The following MAN1A2 variants were observed in gnomAD, a reference collection of about 807,000 sequenced individuals.
MAN1A2 encodes mannosidase alpha class 1A member 2, also known as mannosyl-oligosaccharide 1,2-alpha-mannosidase IB.
Under a neutral mutation model 75.7 loss-of-function variants are expected in MAN1A2, and 26 were observed. The observed-to-expected ratio is 0.34, with a 90% CI of 0.25 to 0.48. The LOEUF (loss-of-function observed/expected upper bound fraction) is 0.48, where lower values mean the gene tolerates loss of function less well. MAN1A2 is among the 20% of genes least tolerant of loss of function. MAN1A2 has a pLI of 0.99. For missense variants in MAN1A2, 562 were observed against 775.5 expected (o/e 0.72, Z 3.27); for synonymous variants, 247 against 264.6 (o/e 0.93, Z 0.65).
At chr1:117,421,539 G>A (rs1347168615) in intron 5 of MAN1A2, among the ~76,000 whole-genome samples, 1 of 151,238 alleles carries the variant, frequency 6.6e-6, no homozygotes, top group Admixed American at 6.6e-5. Context: ...TTTTCGTATG[G>A]ATTTTTATGA....
intron 12 of MAN1A2, among the ~76,000 whole-genome samples, chr1:117,512,615 T>C (rs1451464716): frequency 6.6e-6 from 1 of 152,052 alleles, no homozygotes; most frequent in Non-Finnish European, 1.5e-5. Flanking sequence ...GGTGGGCAAG[T>C]CTTTGCTTAA....
intron 6 of MAN1A2, among the ~76,000 whole-genome samples, chr1:117,457,131 A>T (rs1301538094): frequency 1.3e-5 from 2 of 152,126 alleles, no homozygotes; most frequent in Admixed American, 1.3e-4. Flanking sequence ...TAGAAGACTC[A>T]TTATCAAAAC....
At chr1:117,408,178 T>C (rs1570718835) in intron 3 of MAN1A2, among the ~76,000 whole-genome samples, 1 of 151,680 alleles carries the variant, frequency 6.6e-6, no homozygotes, top group African/African-American at 2.4e-5. Context: ...CCGCAGGAGG[T>C]TGAGATGGGA....
intron 8 of MAN1A2, among the ~76,000 whole-genome samples, chr1:117,491,774 A>C (rs1043318119): frequency 6.6e-6 from 1 of 152,114 alleles, no homozygotes; most frequent in African/African-American, 2.4e-5. Flanking sequence ...AGGAGGTCAA[A>C]GTATGAACAT....
chr1:117,464,634 A>T (rs1649928735), intron 7 of MAN1A2, among the ~76,000 whole-genome samples: 1 of 152,114 alleles, frequency 6.6e-6, no homozygotes, highest in Non-Finnish European at 1.5e-5. Flanking sequence ...AATGGTGAGT[A>T]CTTCTTTGGA....
At chr1:117,406,344 A>G (rs1011673363) in intron 3 of MAN1A2, among the ~76,000 whole-genome samples, 2 of 152,166 alleles carry the variant, frequency 1.3e-5, no homozygotes, top group Non-Finnish European at 2.9e-5. Flanking sequence ...TGACTTGATC[A>G]TTATCTTTTA....
At chr1:117,441,239 A>G (rs142843221) in intron 5 of MAN1A2, among the ~76,000 whole-genome samples, 4 of 152,234 alleles carry the variant, frequency 2.6e-5, no homozygotes, top group South Asian at 4.1e-4. Flanking sequence ...ATTTCTCTCT[A>G]ATATTTTCTA....
intron 8 of MAN1A2, among the ~76,000 whole-genome samples, chr1:117,472,413 G>C (rs1650189415): frequency 6.6e-6 from 1 of 151,950 alleles, no homozygotes; most frequent in Admixed American, 6.6e-5. Context: ...CAGGATGTTT[G>C]CATTCACTAA....
At chr1:117,408,231 A>G (rs1266374474) in intron 3 of MAN1A2, among the ~76,000 whole-genome samples, 1 of 151,314 alleles carries the variant, frequency 6.6e-6, no homozygotes, top group South Asian at 2.1e-4. Flanking sequence ...GGGCACCATG[A>G]TCATGATGCC....
At chr1:117,494,725 T>A (rs1224802640) in intron 9 of MAN1A2, 2 of 152,048 alleles carry the variant, frequency 1.3e-5, no homozygotes, top group African/African-American at 4.8e-5. Flanking sequence ...TTATTAAAAT[T>A]TAAACGTAGA....
At chr1:117,389,073 A>G (rs998823510) in intron 1 of MAN1A2, among the ~76,000 whole-genome samples, 1 of 152,202 alleles carries the variant, frequency 6.6e-6, no homozygotes, top group African/African-American at 2.4e-5. Flanking sequence ...TTTATCCTTT[A>G]TACTTCAAAA....
intron 1 of MAN1A2, among the ~76,000 whole-genome samples, chr1:117,372,631 A>G (rs1238430201): frequency 6.6e-6 from 1 of 152,202 alleles, no homozygotes; most frequent in Middle Eastern, 3.2e-3. Context: ...TATAGTATCT[A>G]TGATTTTGCA....
chr1:117,432,951 A>G (rs1332673700), intron 5 of MAN1A2, among the ~76,000 whole-genome samples: 1 of 148,876 alleles, frequency 6.7e-6, no homozygotes, highest in Non-Finnish European at 1.5e-5. Flanking sequence ...TTCTTTTTAT[A>G]TAATATAAAA....
At chr1:117,406,130 C>T (rs985765024) in intron 3 of MAN1A2, among the ~76,000 whole-genome samples, 2 of 152,112 alleles carry the variant, frequency 1.3e-5, no homozygotes, top group Admixed American at 1.3e-4. Context: ...ACAATGTGTT[C>T]TGTGAATGGA....
intron 1 of MAN1A2, among the ~76,000 whole-genome samples, chr1:117,400,178 A>G (rs1453201315): frequency 1.3e-5 from 2 of 151,700 alleles, no homozygotes; most frequent in Non-Finnish European, 1.5e-5. Flanking sequence ...TGTTCCTCCC[A>G]CATCAATCCA....
chr1:117,442,065 A>G (rs1157902615), intron 5 of MAN1A2, among the ~76,000 whole-genome samples, 166 bp from the exon 6 acceptor site: 2 of 152,142 alleles, frequency 1.3e-5, no homozygotes, highest in African/African-American at 4.8e-5. Context: ...GTTTGCAAAC[A>G]TGCTCTCTGA....
intron 5 of MAN1A2, among the ~76,000 whole-genome samples, chr1:117,431,163 C>T (rs1179919768): frequency 2.7e-5 from 3 of 111,568 alleles, no homozygotes; most frequent in Admixed American, 1.1e-4. Flanking sequence ...AGTCCAGCTT[C>T]GGCTCCGCAT....
At chr1:117,487,360 G>A (rs1024081471) in intron 8 of MAN1A2, among the ~76,000 whole-genome samples, 7 of 152,082 alleles carry the variant, frequency 4.6e-5, no homozygotes, top group African/African-American at 1.4e-4. Context: ...GGTCTCTAGC[G>A]GAGTAAGGAG....
chr1:117,517,778 T>C (rs1196085663), intron 12 of MAN1A2, among the ~76,000 whole-genome samples: 2 of 151,876 alleles, frequency 1.3e-5, no homozygotes, highest in Non-Finnish European at 2.9e-5. Context: ...TGATGTAAAC[T>C]ATTTACCCAC....
Sources: allele counts gnomAD v4.1 joint callset (sites outside exome capture counted in the v4.1 genomes callset), GRCh38; gene constraint gnomAD v4.1.1; transcripts MANE v1.5; gene names NCBI Gene and HGNC (gene_info 2026-07-23, HGNC 2026-07-21).